PECAM1: variants seen among roughly 807,000 people sequenced by gnomAD.
PECAM1 encodes the protein platelet endothelial cell adhesion molecule.
Under a neutral mutation model 13.8 loss-of-function variants are expected in PECAM1, and 8 were observed. The observed-to-expected ratio is 0.58, with a 90% confidence interval of 0.34 to 1.05. The LOEUF is 1.05. Ranked by LOEUF, PECAM1 falls within the 50% of genes least tolerant of loss-of-function variation. The pLI is 0.03. For missense variants in PECAM1, 304 were observed against 141.2 expected (o/e 2.15, Z -5.84); for synonymous variants, 136 against 52.6 (o/e 2.58, Z -6.86).
At chr17:64,368,868 A>G (rs2036170848) in intron 5 of PECAM1, among the ~76,000 whole-genome samples, 1 of 150,890 alleles carries the variant, frequency 6.6e-6, no homozygotes, top group Admixed American at 6.6e-5. Context: ...AGAAAAAAAA[A>G]AAAAGAAAAG....
chr17:64,339,221 A>T (rs1475598486), intron 14 of PECAM1, among the ~76,000 whole-genome samples: 1 of 152,066 alleles, frequency 6.6e-6, no homozygotes, highest in Admixed American at 6.6e-5. Context: ...CAAACCGAAG[A>T]CAGTACACCT....
intron 2 of PECAM1, among the ~76,000 whole-genome samples, chr17:64,387,968 G>A (rs1338609869): frequency 1.3e-5 from 2 of 152,172 alleles, no homozygotes; most frequent in Non-Finnish European, 2.9e-5. Context: ...GGTTCCAGCC[G>A]CCGCCCTGCC....
intron 4 of PECAM1, chr17:64,370,403 T>A (rs2036214248): frequency 1.2e-5 from 2 of 162,308 alleles, no homozygotes; most frequent in Non-Finnish European, 2.7e-5. Flanking sequence ...CATTTCAGCA[T>A]GAAGATACTA....
At chr17:64,385,176 A>G (rs1306055596) in intron 2 of PECAM1, among the ~76,000 whole-genome samples, 2 of 152,228 alleles carry the variant, frequency 1.3e-5, no homozygotes, top group Non-Finnish European at 2.9e-5. Context: ...CAGCCTAAAG[A>G]GGTCAGATCT....
intron 13 of PECAM1, among the ~76,000 whole-genome samples, chr17:64,347,686 T>C (rs2035610037): frequency 6.9e-6 from 1 of 145,168 alleles, no homozygotes; most frequent in Non-Finnish European, 1.5e-5. Flanking sequence ...ATATATATTA[T>C]ATATGTATTT....
At chr17:64,380,812 C>T (rs1158092553) in intron 2 of PECAM1, among the ~76,000 whole-genome samples, 4 of 152,068 alleles carry the variant, frequency 2.6e-5, no homozygotes, top group African/African-American at 7.2e-5. Context: ...CATGGTGAAA[C>T]CCCGTCTCTA....
At chr17:64,358,032 C>T (rs912825295) in intron 7 of PECAM1, among the ~76,000 whole-genome samples, 17 of 150,604 alleles carry the variant, frequency 1.1e-4, no homozygotes, top group Non-Finnish European at 1.6e-4. Context: ...TAGGCTCAGC[C>T]ACTTTTTCAG....
At chr17:64,332,237 C>A (rs1460225056) in intron 14 of PECAM1, among the ~76,000 whole-genome samples, 2 of 152,064 alleles carry the variant, frequency 1.3e-5, no homozygotes, top group African/African-American at 4.8e-5. Context: ...TAATGTTGAG[C>A]CATTGTGTCA....
At chr17:64,335,440 C>T (rs1200136057) in intron 14 of PECAM1, among the ~76,000 whole-genome samples, 6 of 151,648 alleles carry the variant, frequency 4.0e-5, no homozygotes, top group Non-Finnish European at 5.9e-5. Flanking sequence ...CCAATTATGC[C>T]GATAACATGA....
At chr17:64,334,509 G>T (rs2035215776) in intron 14 of PECAM1, among the ~76,000 whole-genome samples, 1 of 151,838 alleles carries the variant, frequency 6.6e-6, no homozygotes, top group Non-Finnish European at 1.5e-5. Context: ...CCCACACTGG[G>T]CCCCAATTTT....
chr17:64,367,108 C>T (rs1458757755), intron 5 of PECAM1, among the ~76,000 whole-genome samples: 2 of 151,846 alleles, frequency 1.3e-5, no homozygotes, highest in East Asian at 3.9e-4. Flanking sequence ...ACTCATTTCA[C>T]CCCACAAGTA....
Position 64,321,760 on chromosome 17 carries a change from C to CAAAAA in PECAM1, c.*2055_*2056insTTTTT, listed in dbSNP as rs1555644448. The CAAAAA allele has an allele frequency of 7.8e-7, 1 of 1,288,836 alleles. No individual in the cohort carries two copies. The highest frequency in any genetic ancestry group is 1.5e-5 in the African/African-American group (1 of 66,570). The allele number at this position is 1,288,836 out of a possible 1,614,324, so 79.8% of individuals were successfully genotyped here. A position where few individuals can be genotyped will look rare whatever the true frequency, so the allele number is the denominator to read the frequency against. ...TGGGCAACAGAGCAAGCCCCTGTCT[C>CAAAAA]AACAAAACAAAACAAAACAAAAAAT... On this transcript the variant is annotated 3_prime_UTR_variant, in exon 16 of 16. Transcript: ENST00000563924.
At chr17:64,349,669 AAGGTC>A (rs2035668361) in intron 12 of PECAM1, among the ~76,000 whole-genome samples, 1 of 149,320 alleles carries the variant, frequency 6.7e-6, no homozygotes, top group African/African-American at 2.5e-5. Flanking sequence ...GGCAGATAAC[AAGGTC>A]AGGAGTTTGA....
At chr17:64,373,901 G>A (rs1160032470) in intron 4 of PECAM1, among the ~76,000 whole-genome samples, 2 of 152,144 alleles carry the variant, frequency 1.3e-5, no homozygotes, top group Non-Finnish European at 2.9e-5. Context: ...GGTCCTGGGA[G>A]TGGCTGACTA....
intron 2 of PECAM1, among the ~76,000 whole-genome samples, chr17:64,386,509 T>A (rs1209978951): frequency 6.6e-6 from 1 of 152,120 alleles, no homozygotes; most frequent in East Asian, 1.9e-4. Context: ...ATAAATGTTA[T>A]ATTATTTGTA....
At chr17:64,353,327 ACAC>A in intron 10 of PECAM1, among the ~76,000 whole-genome samples, 161 bp downstream of exon 10, 1 of 151,644 alleles carries the variant, frequency 6.6e-6, no homozygotes, top group Admixed American at 6.6e-5. Flanking sequence ...ACACACACAC[ACAC>A]ACACACACAC....
intron 4 of PECAM1, among the ~76,000 whole-genome samples, chr17:64,372,136 C>T (rs2036256486): frequency 6.6e-6 from 1 of 152,136 alleles, no homozygotes; most frequent in African/African-American, 2.4e-5. Flanking sequence ...GGACCAGGCA[C>T]AGTGGCTCAT....
chr17:64,371,348 A>G (rs1330426482), intron 4 of PECAM1, among the ~76,000 whole-genome samples: 1 of 152,154 alleles, frequency 6.6e-6, no homozygotes, highest in East Asian at 1.9e-4. Context: ...AAATATTTGC[A>G]TAATATCACT....
rs925273705 is a variant in PECAM1 at position 64,367,265 on chromosome 17, G to A, written c.967+2485C>T. ...TCACAGACCCCATAGGAAAAACACT[G>A]AACTGGCAGGGCGTGGTGGCTCACA... is the stretch of plus-strand genomic sequence containing the variant. On this transcript the variant is annotated intron_variant, in intron 5 of 15. Transcript: ENST00000563924. Among the ~76,000 whole-genome samples, 98 of 152,188 alleles carry A rather than the reference G, an allele frequency of 6.4e-4. No homozygotes were observed. The East Asian group carries it at 9.9e-3, about 15-fold the overall frequency.
Sources: allele counts gnomAD v4.1 joint callset (sites outside exome capture counted in the v4.1 genomes callset), GRCh38; gene constraint gnomAD v4.1.1; transcripts MANE v1.5; gene names NCBI Gene and HGNC (gene_info 2026-07-23, HGNC 2026-07-21).